OTUD7B: variants seen among roughly 807,000 people sequenced by gnomAD.
OTUD7B encodes OTU domain-containing protein 7B.
Under a neutral mutation model 82.2 loss-of-function variants are expected in OTUD7B, and 34 were observed. The ratio of observed to expected loss-of-function variants is 0.41; its 90% confidence interval spans 0.31 to 0.55. The LOEUF (loss-of-function observed/expected upper bound fraction) is 0.55. OTUD7B is among the 20% of genes least tolerant of loss of function. The pLI, the probability that OTUD7B is intolerant of heterozygous loss-of-function variation, is 0.20. For synonymous variants in OTUD7B, 398 were observed against 402.7 expected, an observed-to-expected ratio of 0.99 and a Z score of 0.14; for missense variants, 944 against 1,062.1, an observed-to-expected ratio of 0.89 and a Z score of 1.55.
At chr1:149,978,448 G>A (rs1490667720) in intron 1 of OTUD7B, among the ~76,000 whole-genome samples, 1 of 152,096 alleles carries the variant, frequency 6.6e-6, no homozygotes, top group East Asian at 1.9e-4. Context: ...GGCAGAGGTT[G>A]CAGTGAGCCG....
chr1:150,060,057 C>T, the OTUD7B span, among the ~76,000 whole-genome samples: 5 of 152,088 alleles, frequency 3.3e-5, no homozygotes, highest in African/African-American at 1.2e-4. Context: ...GAAGTAGGGC[C>T]ATATGTTCCT....
At chr1:150,015,146 CA>C (rs1226797458), upstream of OTUD7B, among the ~76,000 whole-genome samples, 1 of 152,090 alleles carries the variant, frequency 6.6e-6, no homozygotes, top group Non-Finnish European at 1.5e-5. Context: ...AGCCATTTGG[CA>C]AATGAAAGCA....
chr1:150,019,012 C>T, the OTUD7B span, among the ~76,000 whole-genome samples: 1 of 152,120 alleles, frequency 6.6e-6, no homozygotes, highest in Admixed American at 6.6e-5. Flanking sequence ...TAGCCTATTC[C>T]TATGGAATAC....
At chr1:149,958,401 G>A (rs1266839764) in intron 7 of OTUD7B, among the ~76,000 whole-genome samples, 1 of 142,906 alleles carries the variant, frequency 7.0e-6, no homozygotes, top group Non-Finnish European at 1.5e-5. Flanking sequence ...GAACTCGGCT[G>A]ACTACAACCT....
the OTUD7B span, among the ~76,000 whole-genome samples, chr1:150,059,810 A>G: frequency 9.8e-5 from 15 of 152,352 alleles, no homozygotes; most frequent in African/African-American, 3.6e-4. Flanking sequence ...AGAAAGAAAA[A>G]TTATTTTAAA....
chr1:150,054,332 A>G, the OTUD7B span: 1 of 513,860 alleles, frequency 1.9e-6, no homozygotes, highest in Non-Finnish European at 3.8e-6. Context: ...TGAAAGCCAC[A>G]GGGGCAAGAG....
intron 8 of OTUD7B, 42 bp downstream of exon 8, chr1:149,950,052 G>C (rs782750160): frequency 6.2e-7 from 1 of 1,610,400 alleles, no homozygotes; most frequent in South Asian, 1.1e-5. Flanking sequence ...CTTTGCAAAA[G>C]GGGGTGCTCA....
chr1:149,966,144 A>T (rs1649510309), intron 4 of OTUD7B, among the ~76,000 whole-genome samples: 1 of 152,258 alleles, frequency 6.6e-6, no homozygotes, highest in South Asian at 2.1e-4. Context: ...CACAACTGGT[A>T]GCAGGATGCT....
At chr1:149,949,454 T>C (rs1253336220) in intron 9 of OTUD7B, among the ~76,000 whole-genome samples, 175 bp downstream of exon 9, 5 of 47,604 alleles carry the variant, frequency 1.1e-4, no homozygotes, top group African/African-American at 3.7e-4. Flanking sequence ...CTTGCTTTTC[T>C]CCCAACCCTT....
the OTUD7B span, among the ~76,000 whole-genome samples, chr1:150,036,224 G>A: frequency 3.5e-4 from 53 of 149,434 alleles, 1 homozygote; most frequent in African/African-American, 1.3e-3. Flanking sequence ...AAAGTGCTGG[G>A]ATTACTGGCA....
intron 6 of OTUD7B, 146 bp downstream of exon 6, chr1:149,964,076 T>C (rs782271407): frequency 7.8e-5 from 69 of 882,684 alleles, no homozygotes; most frequent in Non-Finnish European, 1.1e-4. Context: ...CCATTGGTGT[T>C]AACTGCATTT....
the OTUD7B span, chr1:150,054,265 G>A: frequency 4.3e-6 from 2 of 468,662 alleles, no homozygotes; most frequent in South Asian, 3.3e-5. Flanking sequence ...CCTTCAGTCA[G>A]CACATGAGAA....
At chr1:149,950,558 C>T (rs16838646) in intron 7 of OTUD7B, among the ~76,000 whole-genome samples, 1 of 152,154 alleles carries the variant, frequency 6.6e-6, no homozygotes. Flanking sequence ...TACACAACTG[C>T]ATAGCTTCAT....
Position 150,009,865 on chromosome 1 carries a change from C to T in OTUD7B, c.-67+583G>A, listed in dbSNP as rs115171875. 4.5e-3 allele frequency among the ~76,000 whole-genome samples: 690 copies of T among 152,200 alleles called. 8 individuals carry two copies. Among genetic ancestry groups the T allele is most frequent in the African/African-American group, 0.016 (654 of 41,506 alleles). On this transcript the variant is annotated intron_variant, in intron 1 of 11. Transcript: ENST00000581312. The stretch of plus-strand genomic sequence containing the variant: ...CATCAGCTTCTAAAGTTTCCATCGG[C>T]TCATGGCAACTTTTCTTTTTTCTAA...
chr1:149,977,275 C>T lies in OTUD7B; in HGVS notation c.85+151G>A, dbSNP rs587649420. On this transcript the variant is annotated intron_variant, in intron 2 of 11. Coordinates refer to ENST00000581312, the MANE Select transcript of OTUD7B (RefSeq NM_020205.4). Reference sequence around the variant, plus strand: ...GGGATTTTAAAATTTCTAATTATGACGGGTTATACACAAAGTATATCATTA... The same window carrying T: ...GGGATTTTAAAATTTCTAATTATGATGGGTTATACACAAAGTATATCATTA... 41 of 515,030 alleles carry T rather than the reference C, an allele frequency of 8.0e-5. 1 individual carries two copies. Among genetic ancestry groups the T allele is most frequent in the South Asian group, 6.3e-4 (17 of 26,840 alleles). The allele number at this position is 515,030 out of a possible 1,614,324, so 31.9% of individuals were successfully genotyped here.
intron 1 of OTUD7B, among the ~76,000 whole-genome samples, chr1:149,979,896 A>G (rs782189693): frequency 1.3e-5 from 2 of 152,222 alleles, no homozygotes; most frequent in African/African-American, 4.8e-5. Context: ...AACCAAGTGT[A>G]TAGCTGCAAA....
intron 1 of OTUD7B, among the ~76,000 whole-genome samples, chr1:149,991,444 G>T (rs1651563551): frequency 6.6e-6 from 1 of 152,066 alleles, no homozygotes; most frequent in Non-Finnish European, 1.5e-5. Flanking sequence ...GTTTACCTGG[G>T]AACATAGAAT....
chr1:150,055,189 C>A, the OTUD7B span, among the ~76,000 whole-genome samples: 4 of 151,908 alleles, frequency 2.6e-5, no homozygotes, highest in Non-Finnish European at 5.9e-5. Context: ...AGGCGCCCAC[C>A]ACCACGCCCG....
the OTUD7B span, among the ~76,000 whole-genome samples, chr1:150,033,257 T>G: frequency 1.3e-5 from 2 of 152,186 alleles, no homozygotes; most frequent in South Asian, 2.1e-4. Context: ...CCCACTTTTC[T>G]GACGTTATTG....
Sources: allele counts gnomAD v4.1 joint callset (sites outside exome capture counted in the v4.1 genomes callset), GRCh38; gene constraint gnomAD v4.1.1; transcripts MANE v1.5; gene names NCBI Gene and HGNC (gene_info 2026-07-23, HGNC 2026-07-21).